Variants in TMEM156 observed in about 807,000 individuals in gnomAD.
TMEM156 encodes the protein transmembrane protein 156.
In TMEM156, 28 loss-of-function variants were observed where a neutral mutation model predicts 30.5. The observed-to-expected ratio is 0.92, with a 90% CI of 0.68 to 1.26. TMEM156 has a LOEUF of 1.26. Ranked by LOEUF, TMEM156 falls within the 50% of genes most tolerant of loss-of-function variation. TMEM156 has a pLI of 0.00. For missense variants in TMEM156, 351 were observed against 340.6 expected, an observed-to-expected ratio of 1.03 and a Z score of -0.24; for synonymous variants, 137 against 119.9, an observed-to-expected ratio of 1.14 and a Z score of -0.93.
intron 1 of TMEM156, among the ~76,000 whole-genome samples, chr4:39,012,217 T>G (rs1043057229): frequency 1.3e-5 from 2 of 152,176 alleles, no homozygotes; most frequent in Non-Finnish European, 2.9e-5. Context: ...ATACATTACA[T>G]CAGTGGGTCT....
chr4:38,986,756 C>G lies in TMEM156; in HGVS notation c.740-337G>C, dbSNP rs1242291226. 5.2e-5 allele frequency among the ~76,000 whole-genome samples: 6 copies of G among 116,472 alleles called. No homozygotes were observed. In the East Asian group the frequency reaches 1.7e-3, roughly 34 times the overall value. The allele number at this position is 116,472 out of a possible 152,430, so 76.4% of individuals were successfully genotyped here. On this transcript the variant is annotated intron_variant, in intron 4 of 6. Coordinates refer to ENST00000381938, the MANE Select transcript of TMEM156 (RefSeq NM_024943.3). ...CCAGGAGGTGGAGGTTGCAGTGAGCCGAGATCATGCCACTGCACTCCAGCC... is the reference window on the plus strand; with the variant it reads ...CCAGGAGGTGGAGGTTGCAGTGAGCGGAGATCATGCCACTGCACTCCAGCC...
At chr4:39,002,276 C>A (rs147257188) in intron 1 of TMEM156, among the ~76,000 whole-genome samples, 2 of 151,994 alleles carry the variant, frequency 1.3e-5, no homozygotes, top group African/African-American at 4.8e-5. Context: ...AAAAAACACA[C>A]GAAAAAATGT....
intron 1 of TMEM156, among the ~76,000 whole-genome samples, chr4:39,012,812 G>A (rs1258899451): frequency 6.6e-6 from 1 of 152,140 alleles, no homozygotes; most frequent in African/African-American, 2.4e-5. Context: ...TGGGGCAGGT[G>A]CCTGTAATCC....
intron 3 of TMEM156, 42 bp downstream of exon 3, chr4:38,993,696 A>G: frequency 6.4e-7 from 1 of 1,570,068 alleles, no homozygotes; most frequent in Non-Finnish European, 8.7e-7. Context: ...ACATATCTAT[A>G]TCGGATAACT....
At chr4:38,995,501 G>C (rs904181179) in intron 2 of TMEM156, among the ~76,000 whole-genome samples, 17 of 152,202 alleles carry the variant, frequency 1.1e-4, no homozygotes, top group African/African-American at 4.1e-4. Context: ...TGGATCACGA[G>C]GTCAAGAGAC....
intron 1 of TMEM156, among the ~76,000 whole-genome samples, chr4:39,015,002 T>G (rs1262552518): frequency 2.0e-5 from 3 of 152,194 alleles, no homozygotes. Flanking sequence ...TTTCTTTAAT[T>G]GTTGTAAAAC....
intron 3 of TMEM156, among the ~76,000 whole-genome samples, chr4:38,993,438 C>T (rs2109955953): frequency 6.8e-6 from 1 of 147,250 alleles, no homozygotes; most frequent in South Asian, 2.3e-4. Context: ...TCTCAAACAA[C>T]CACCACCACC....
At chr4:39,025,323 G>C (rs1715132693) in intron 1 of TMEM156, among the ~76,000 whole-genome samples, 1 of 146,776 alleles carries the variant, frequency 6.8e-6, no homozygotes, top group Non-Finnish European at 1.5e-5. Flanking sequence ...ACTCCAGCCT[G>C]GGTGACAGAG....
At chr4:39,018,748 C>A (rs777417691) in intron 1 of TMEM156, among the ~76,000 whole-genome samples, 1 of 152,172 alleles carries the variant, frequency 6.6e-6, no homozygotes, top group African/African-American at 2.4e-5. Flanking sequence ...TGGCCGGGCA[C>A]GATGGCTCAC....
chr4:38,984,496 T>C (rs1161016241), intron 5 of TMEM156, among the ~76,000 whole-genome samples: 9 of 152,058 alleles, frequency 5.9e-5, no homozygotes, highest in South Asian at 2.1e-4. Context: ...ACCACCGCTT[T>C]GAACTACATT....
chr4:38,986,428 A>G lies in TMEM156; in HGVS notation c.740-9T>C. 6.3e-7 allele frequency: 1 copy of G among 1,591,446 alleles called. No individual in the cohort carries two copies. The highest frequency in any genetic ancestry group is 1.7e-4 in the Middle Eastern group (1 of 6,012). ...AGGTTTGTCTCTATGACCTATTCCCAGAAAAGAAATGAAGTATTTAGATGA... is the reference window on the plus strand; with the variant it reads ...AGGTTTGTCTCTATGACCTATTCCCGGAAAAGAAATGAAGTATTTAGATGA... On this transcript the variant is annotated splice_polypyrimidine_tract_variant and intron_variant, in intron 4 of 6. Coordinates refer to ENST00000381938, the MANE Select transcript of TMEM156 (RefSeq NM_024943.3).
intron 1 of TMEM156, among the ~76,000 whole-genome samples, chr4:39,007,433 T>A (rs1360720419): frequency 1.3e-5 from 2 of 151,916 alleles, no homozygotes; most frequent in Non-Finnish European, 2.9e-5. Flanking sequence ...ATTTATGTAT[T>A]TATTTATCTA....
chr4:39,001,344 G>A (rs930926213), intron 1 of TMEM156, among the ~76,000 whole-genome samples: 1 of 149,228 alleles, frequency 6.7e-6, no homozygotes, highest in African/African-American at 2.5e-5. Flanking sequence ...CCGAGATCGT[G>A]CCACTGCACT....
chr4:38,968,797 G>A (rs930730608), intron 6 of TMEM156, among the ~76,000 whole-genome samples: 7 of 152,094 alleles, frequency 4.6e-5, no homozygotes, highest in East Asian at 1.9e-4. Context: ...TCAATTTGGC[G>A]TATTGAGCCA....
At chr4:39,031,913 A>AAT (rs1715543955) in intron 1 of TMEM156, among the ~76,000 whole-genome samples, 6 of 139,408 alleles carry the variant, frequency 4.3e-5, no homozygotes, top group South Asian at 2.2e-4. Context: ...AAATAAAAAA[A>AAT]AACTGCTTTG....
intron 1 of TMEM156, among the ~76,000 whole-genome samples, chr4:39,012,662 C>T (rs1376793443): frequency 1.3e-5 from 2 of 152,102 alleles, no homozygotes; most frequent in Non-Finnish European, 2.9e-5. Flanking sequence ...AAAAATAGAC[C>T]GGGCATGGTG....
intron 1 of TMEM156, among the ~76,000 whole-genome samples, chr4:39,004,362 A>G (rs1225381473): frequency 6.6e-6 from 1 of 152,178 alleles, no homozygotes; most frequent in African/African-American, 2.4e-5. Context: ...AGAAACATCA[A>G]CTACCTTTCT....
At chr4:39,023,846 T>G (rs1715026045) in intron 1 of TMEM156, among the ~76,000 whole-genome samples, 1 of 151,870 alleles carries the variant, frequency 6.6e-6, no homozygotes, top group African/African-American at 2.4e-5. Context: ...AGAGTGAGAC[T>G]CCGTTTAAAA....
chr4:39,014,463 C>T (rs1051199293), intron 1 of TMEM156, among the ~76,000 whole-genome samples: 13 of 151,984 alleles, frequency 8.6e-5, no homozygotes, highest in Admixed American at 8.5e-4. Context: ...CATCCCTATG[C>T]AAAAATCAGC....
Sources: gnomAD v4.1 joint callset for allele counts (sites outside exome capture counted in the v4.1 genomes callset) on GRCh38, gnomAD v4.1.1 for gene constraint, MANE v1.5 for transcripts, NCBI Gene and HGNC (gene_info 2026-07-23, HGNC 2026-07-21) for gene names.